Variants in AHNAK observed in about 807,000 individuals in gnomAD.
AHNAK encodes the protein AHNAK nucleoprotein, also known as neuroblast differentiation-associated protein AHNAK.
AHNAK carries 23 observed loss-of-function variants against 37.8 expected under a neutral mutation model. That is an observed-to-expected ratio of 0.61 (90% confidence interval 0.44 to 0.86). The LOEUF (loss-of-function observed/expected upper bound fraction) is 0.86, where lower values mean the gene tolerates loss of function less well. Ranked by LOEUF, AHNAK falls within the 40% of genes least tolerant of loss-of-function variation. The pLI is 0.00. For missense variants in AHNAK, 7,411 were observed against 7,319.4 expected (o/e 1.01, Z -0.46); for synonymous variants, 2,481 against 2,636.3 (o/e 0.94, Z 1.80).
At position 62,529,719 on chromosome 11, in the gene AHNAK, C is replaced by T; in HGVS notation, c.4698G>A (p.Lys1566=). 6.2e-7 allele frequency: 1 copy of T among 1,614,048 alleles called. No homozygotes were observed. Among genetic ancestry groups the T allele is most frequent in the Non-Finnish European group, 8.5e-7 (1 of 1,179,984 alleles). ...EAPEGKLKGP[K]FKMPSMNIQT... is the part of the protein sequence containing the mutation. ...GTATATTCATGCTTGGCATCTTGAA[C>T]TTAGGGCCTTTTAGTTTCCCCTCTG... Residue 1566 remains lysine, a synonymous_variant, in exon 5 of 5, where the codon AAG becomes AAA. Coordinates refer to ENST00000378024, the MANE Select transcript of AHNAK (RefSeq NM_001620.3).
downstream of AHNAK, among the ~76,000 whole-genome samples, chr11:62,513,768 G>A (rs151016080): frequency 2.0e-5 from 3 of 152,304 alleles, no homozygotes; most frequent in African/African-American, 7.2e-5. Context: ...ACATTGAGAA[G>A]AAGGTGGCTA....
chr11:62,459,782 T>C (rs1228496243), intron 5 of AHNAK, among the ~76,000 whole-genome samples: 1 of 152,126 alleles, frequency 6.6e-6, no homozygotes, highest in Non-Finnish European at 1.5e-5. Flanking sequence ...CAAGACGACA[T>C]ATAGGAAATC....
In AHNAK at chr11:62,523,276, A is replaced by G. The variant is rs901101074; in HGVS notation, c.11141T>C (p.Ile3714Thr). Residue 3714 changes from isoleucine to threonine, a missense_variant, in exon 5 of 5, where the codon ATT (isoleucine) becomes ACT (threonine). Ile to Thr is a moderately conservative substitution (Grantham distance 89). Transcript: ENST00000378024. Reference protein sequence around the residue: ...EVDIKGPKVDIDTPDINIEGS... With the variant: ...EVDIKGPKVDTDTPDINIEGS... ...TTCGATGTTAATGTCAGGAGTGTCA[A>G]TGTCCACTTTGGGGCCCTTGATGTC... The G allele has an allele frequency of 9.9e-6, 16 of 1,613,814 alleles. No homozygotes were observed. Among genetic ancestry groups the G allele is most frequent in the African/African-American group, 8.0e-5 (6 of 74,872 alleles).
rs369134125 is a variant in AHNAK, at chr11:62,532,869, T to C, written c.1548A>G (p.Gly516=). Residue 516 remains glycine (G), a synonymous_variant, in exon 5 of 5, where the codon GGA becomes GGG. Coordinates refer to ENST00000378024, the MANE Select transcript of AHNAK (RefSeq NM_001620.3). ...CCCCAGGAGCAGAAACCTTAATATC[T>C]CCTTTCAGTTTAGGAGACCCAAGGC... ...DLSLGSPKLK[G]DIKVSAPGVQ... is the part of the protein sequence containing the mutation. The C allele has an allele frequency of 6.8e-6, 11 of 1,613,944 alleles. No homozygotes were observed. The highest frequency in any genetic ancestry group is 9.3e-6 in the Non-Finnish European group (11 of 1,180,010).
chr11:62,522,299 G>A lies in AHNAK; in HGVS notation c.12118C>T (p.Pro4040Ser), dbSNP rs558830410. ...LKAPEVDIKGPKVDIDAPDVD... is the reference protein window; with the variant it reads ...LKAPEVDIKGSKVDIDAPDVD... The stretch of plus-strand genomic sequence containing the variant: ...TCTGGGGCATCAATGTCCACTTTGG[G>A]GCCCTTGATGTCAACTTCAGGGGCC... Residue 4040 changes from proline to serine, a missense_variant, in exon 5 of 5, where the codon CCC becomes TCC. Coordinates refer to ENST00000378024, the MANE Select transcript of AHNAK (RefSeq NM_001620.3). 1.9e-6 allele frequency: 3 copies of A among 1,613,262 alleles called. No individual in the cohort carries two copies. Among genetic ancestry groups the A allele is most frequent in the Admixed American group, 1.7e-5 (1 of 59,882 alleles).
intron 5 of AHNAK, among the ~76,000 whole-genome samples, chr11:62,442,501 T>C (rs1362110538): frequency 6.6e-6 from 1 of 152,134 alleles, no homozygotes; most frequent in Admixed American, 6.6e-5. Flanking sequence ...TGAGCCGTGA[T>C]TGTGCCACTG....
chr11:62,444,505 G>A (rs980355317), intron 5 of AHNAK, among the ~76,000 whole-genome samples: 2 of 152,268 alleles, frequency 1.3e-5, no homozygotes, highest in South Asian at 4.1e-4. Context: ...GATTAGGCAG[G>A]GTTGGCTGAC....
At chr11:62,489,533 CAGTT>C (rs1939460624) in intron 5 of AHNAK, among the ~76,000 whole-genome samples, 2 of 152,244 alleles carry the variant, frequency 1.3e-5, no homozygotes, top group South Asian at 2.1e-4. Context: ...GACAGGCAGA[CAGTT>C]AGGAGGCGAT....
At position 62,518,705 on chromosome 11, in the gene AHNAK, T is replaced by G. The variant is rs747744776; in HGVS notation, c.15712A>C (p.Met5238Leu). The G allele has an allele frequency of 5.6e-6, 9 of 1,614,178 alleles. No individual in the cohort carries two copies. The highest frequency in any genetic ancestry group is 7.6e-6 in the Non-Finnish European group (9 of 1,180,016). ...ACACCTGGGATGCCGATCTTGGGCA[T>G]GGAAAACTTGGGGAACTTAATTTTT... is the stretch of plus-strand genomic sequence containing the variant. Reference protein sequence around the residue: ...EAKIKFPKFSMPKIGIPGVKM... With the variant: ...EAKIKFPKFSLPKIGIPGVKM... The change falls in exon 5 of 5, where the codon ATG (methionine) becomes CTG (leucine). Residue 5238 changes from methionine (M) to leucine (L), a missense_variant. Met to Leu is a conservative substitution (Grantham distance 15, BLOSUM62 2). Coordinates refer to ENST00000378024, the MANE Select transcript of AHNAK (RefSeq NM_001620.3).
In AHNAK at chr11:62,532,914, G is replaced by T. The variant is rs763290587; in HGVS notation, c.1503C>A (p.Ser501=). 4.3e-6 allele frequency: 7 copies of T among 1,613,948 alleles called. No individual in the cohort carries two copies. Among genetic ancestry groups the T allele is most frequent in the African/African-American group, 4.0e-5 (3 of 74,878 alleles). ...PEMIIQKPKI[S]MQDVDLSLGS... is the part of the protein sequence containing the mutation. ...CAAGGCTCAGATCCACATCCTGCAT[G>T]GAGATTTTAGGTTTCTGAATAATCA... Residue 501 remains serine, a synonymous_variant, in exon 5 of 5, where the codon TCC becomes TCA. Transcript: ENST00000378024.
chr11:62,486,540 AAGGGAGGGAGGG>A (rs57530398), intron 5 of AHNAK, among the ~76,000 whole-genome samples: 2 of 135,478 alleles, frequency 1.5e-5, no homozygotes, highest in Non-Finnish European at 3.2e-5. Context: ...GGAAGGAAGG[AAGGGAGGGAGGG>A]AGGGAGGGAG....
chr11:62,498,598 TAA>T (rs753394652), intron 4 of AHNAK, among the ~76,000 whole-genome samples: 30 of 120,774 alleles, frequency 2.5e-4, no homozygotes, highest in Admixed American at 2.6e-4. Context: ...AGACTCACTC[TAA>T]AAAAAAAAAA....
chr11:62,468,017 C>A (rs1263069918), intron 5 of AHNAK, among the ~76,000 whole-genome samples: 1 of 152,098 alleles, frequency 6.6e-6, no homozygotes, highest in African/African-American at 2.4e-5. Context: ...CTAGAATCTT[C>A]TTCCATTGAG....
intron 5 of AHNAK, among the ~76,000 whole-genome samples, chr11:62,460,007 A>G (rs1354098825): frequency 6.6e-6 from 1 of 151,946 alleles, no homozygotes; most frequent in Non-Finnish European, 1.5e-5. Context: ...GGGCATAGCT[A>G]TTCGGGAGGC....
At chr11:62,479,519 T>C (rs1939223279) in intron 5 of AHNAK, among the ~76,000 whole-genome samples, 2 of 151,926 alleles carry the variant, frequency 1.3e-5, no homozygotes, top group Admixed American at 6.6e-5. Context: ...GTCTGCGAAG[T>C]GCTAAAAATA....
chr11:62,481,247 A>C (rs1254990835), intron 5 of AHNAK, among the ~76,000 whole-genome samples: 2 of 151,952 alleles, frequency 1.3e-5, no homozygotes, highest in African/African-American at 4.8e-5. Flanking sequence ...CTGGGATTAC[A>C]GGTGCCCACC....
chr11:62,465,255 C>G (rs894313278), intron 5 of AHNAK, among the ~76,000 whole-genome samples: 4 of 152,158 alleles, frequency 2.6e-5, no homozygotes, highest in Non-Finnish European at 4.4e-5. Context: ...TGTTGAACTC[C>G]TAACCCCCAG....
Position 62,522,658 on chromosome 11 carries a change from T to C in AHNAK, c.11759A>G (p.Asp3920Gly), listed in dbSNP as rs780939066. ...CCAGTCTGGGCCTCGAACATCCACA[T>C]CTGGGGCATTAATATCCACTTTGGG... ...KGPKVDINAP[D>G]VDVRGPDWHL... Residue 3920 changes from aspartate (D) to glycine (G), a missense_variant, in exon 5 of 5, where the codon GAT becomes GGT. Coordinates refer to ENST00000378024, the MANE Select transcript of AHNAK (RefSeq NM_001620.3). The C allele has an allele frequency of 6.2e-7, 1 of 1,612,966 alleles. No individual in the cohort carries two copies. Among genetic ancestry groups the C allele is most frequent in the Admixed American group, 1.7e-5 (1 of 59,844 alleles).
intron 5 of AHNAK, among the ~76,000 whole-genome samples, chr11:62,439,744 T>C (rs1348010340): frequency 6.9e-6 from 1 of 145,592 alleles, no homozygotes; most frequent in Admixed American, 7.2e-5. Flanking sequence ...CTCAGCTCAC[T>C]GCAACCTCCG....
Sources: gnomAD v4.1 joint callset for allele counts (sites outside exome capture counted in the v4.1 genomes callset) on GRCh38, gnomAD v4.1.1 for gene constraint, MANE v1.5 for transcripts, NCBI Gene and HGNC (gene_info 2026-07-23, HGNC 2026-07-21) for gene names.